RAB3C: variants seen among roughly 807,000 people sequenced by gnomAD.
The protein encoded by RAB3C is ras-related protein Rab-3C.
RAB3C carries 17 observed loss-of-function variants against 26.4 expected under a neutral mutation model. The ratio of observed to expected loss-of-function variants is 0.64; its 90% CI spans 0.44 to 0.97. The LOEUF (loss-of-function observed/expected upper bound fraction) is 0.97, where lower values mean the gene tolerates loss of function less well. RAB3C is among the 50% of genes least tolerant of loss of function. The pLI is 0.00. For missense variants in RAB3C, 242 were observed against 281.9 expected, an observed-to-expected ratio of 0.86 and a Z score of 1.01; for synonymous variants, 91 against 95.9, an observed-to-expected ratio of 0.95 and a Z score of 0.30.
chr5:58,693,330 A>ATATATATG (rs377406953), intron 2 of RAB3C, among the ~76,000 whole-genome samples: 3 of 100,908 alleles, frequency 3.0e-5, no homozygotes, highest in South Asian at 5.6e-4. Flanking sequence ...AATTATATAT[A>ATATATATG]TATGTGTATA....
intron 3 of RAB3C, among the ~76,000 whole-genome samples, chr5:58,770,783 T>A (rs1333823287): frequency 1.3e-5 from 2 of 152,152 alleles, no homozygotes; most frequent in African/African-American, 4.8e-5. Context: ...TAATCTTTTT[T>A]ACTTTACATG....
intron 2 of RAB3C, among the ~76,000 whole-genome samples, chr5:58,717,050 T>C (rs1749186963): frequency 6.6e-6 from 1 of 152,084 alleles, no homozygotes; most frequent in African/African-American, 2.4e-5. Flanking sequence ...GAGGAGGCTA[T>C]GCATGTGTGG....
intron 1 of RAB3C, among the ~76,000 whole-genome samples, chr5:58,588,890 C>T (rs1046141519): frequency 2.0e-5 from 3 of 152,098 alleles, no homozygotes; most frequent in African/African-American, 7.2e-5. Context: ...CCCAAAGACT[C>T]TCTTTTTTTC....
At chr5:58,663,786 G>A (rs1225810809) in intron 2 of RAB3C, among the ~76,000 whole-genome samples, 1 of 152,058 alleles carries the variant, frequency 6.6e-6, no homozygotes, top group Non-Finnish European at 1.5e-5. Flanking sequence ...ACAAAAAACG[G>A]CAAAAAGCTG....
Position 58,686,693 on chromosome 5 carries a change from T to C in RAB3C, c.253-39309T>C, listed in dbSNP as rs7447151. Among the ~76,000 whole-genome samples the C allele has an allele frequency of 1.1e-3, 126 of 114,238 alleles. No individual in the cohort carries two copies. The Middle Eastern group carries it at 0.017, about 15-fold the overall frequency. 74.9% of individuals were successfully genotyped at this position (114,238 alleles called of 152,430 possible). On this transcript the variant is annotated intron_variant, in intron 2 of 4. Transcript: ENST00000282878. ...ACACACACACATACACACACACACA[T>C]ACACACACACACACACACGCATGCA...
At chr5:58,826,310 G>A (rs17358214) in intron 4 of RAB3C, among the ~76,000 whole-genome samples, 9,039 of 152,134 alleles carry the variant, frequency 0.059, 354 homozygotes, top group East Asian at 0.12. Flanking sequence ...CAACTACAAA[G>A]GAGATGAGGC....
intron 2 of RAB3C, among the ~76,000 whole-genome samples, chr5:58,702,450 A>G (rs2111881536): frequency 6.6e-6 from 1 of 152,208 alleles, no homozygotes; most frequent in East Asian, 1.9e-4. Context: ...TCAACACAAA[A>G]CATTACTTTC....
Position 58,659,090 on chromosome 5 carries a change from G to C in RAB3C, c.252+41220G>C, listed in dbSNP as rs184340868. On this transcript the variant is annotated intron_variant, in intron 2 of 4. Transcript: ENST00000282878. ...GGTTTTGAAAATCATGGCTATTTTC[G>C]CAATCTACCATGTTAGGCAAAAAAA... Among the ~76,000 whole-genome samples, 287 of 152,152 alleles carry C rather than the reference G, an allele frequency of 1.9e-3. 2 individuals are homozygous for C. The highest frequency in any genetic ancestry group is 8.5e-4 in the Non-Finnish European group (58 of 67,994).
chr5:58,605,423 C>T (rs1043268603), intron 1 of RAB3C, among the ~76,000 whole-genome samples: 1 of 152,098 alleles, frequency 6.6e-6, no homozygotes, highest in Admixed American at 6.6e-5. Context: ...TCATCACTTC[C>T]ATCTTCACAC....
At chr5:58,663,548 G>A (rs925192604) in intron 2 of RAB3C, among the ~76,000 whole-genome samples, 3 of 150,236 alleles carry the variant, frequency 2.0e-5, no homozygotes, top group African/African-American at 5.0e-5. Flanking sequence ...TGAAATAGAA[G>A]GGAAAGATTT....
chr5:58,647,860 G>A (rs1747559157), intron 2 of RAB3C: 1 of 152,188 alleles, frequency 6.6e-6, no homozygotes, highest in Non-Finnish European at 1.5e-5. Flanking sequence ...CTTTGATAAT[G>A]AGTATGATGT....
chr5:58,647,006 A>G (rs1025268033), intron 2 of RAB3C, among the ~76,000 whole-genome samples: 3 of 152,190 alleles, frequency 2.0e-5, no homozygotes, highest in African/African-American at 4.8e-5. Flanking sequence ...AAGTATCCAG[A>G]TATAGAGGCA....
chr5:58,684,271 A>C (rs1240427333), intron 2 of RAB3C, among the ~76,000 whole-genome samples: 1 of 152,230 alleles, frequency 6.6e-6, no homozygotes, highest in Non-Finnish European at 1.5e-5. Flanking sequence ...ATGCCATTTT[A>C]TACCAGGGAC....
rs374793113 is a variant in RAB3C, at chr5:58,766,342, T to C, written c.371+40222T>C. 2.3e-3 allele frequency among the ~76,000 whole-genome samples: 357 copies of C among 152,170 alleles called. 2 individuals carry two copies. Among genetic ancestry groups the C allele is most frequent in the African/African-American group, 8.3e-3 (343 of 41,512 alleles). ...CATCTTGGCCAAGCTGTTCTTGAACTCCTGACCTCGTGATCCACCCACCTC... is the reference window on the plus strand; with the variant it reads ...CATCTTGGCCAAGCTGTTCTTGAACCCCTGACCTCGTGATCCACCCACCTC... On this transcript the variant is annotated intron_variant, in intron 3 of 4. Coordinates refer to ENST00000282878, the MANE Select transcript of RAB3C (RefSeq NM_138453.4).
intron 4 of RAB3C, 145 bp downstream of exon 4, chr5:58,825,307 G>A: frequency 1.1e-6 from 1 of 876,756 alleles, no homozygotes; most frequent in Non-Finnish European, 1.6e-6. Flanking sequence ...CTCCCTAAGT[G>A]GACAATATAT....
chr5:58,773,442 G>T (rs1742065695), intron 3 of RAB3C, among the ~76,000 whole-genome samples: 3 of 152,128 alleles, frequency 2.0e-5, no homozygotes, highest in Non-Finnish European at 4.4e-5. Context: ...AAATAAGTAA[G>T]AATTCACCAA....
At chr5:58,798,471 A>G (rs938937179) in intron 3 of RAB3C, among the ~76,000 whole-genome samples, 2 of 152,152 alleles carry the variant, frequency 1.3e-5, no homozygotes, top group African/African-American at 2.4e-5. Flanking sequence ...GCATCCCTAA[A>G]CCAAAAATCC....
chr5:58,790,987 T>A (rs570651634), intron 3 of RAB3C, among the ~76,000 whole-genome samples: 2 of 151,948 alleles, frequency 1.3e-5, no homozygotes, highest in African/African-American at 4.8e-5. Flanking sequence ...CTGCTCTGCC[T>A]CAAATTTGGC....
At chr5:58,684,656 T>C (rs1748408858) in intron 2 of RAB3C, among the ~76,000 whole-genome samples, 1 of 152,190 alleles carries the variant, frequency 6.6e-6, no homozygotes. Context: ...GCAGCTCATA[T>C]AGGAGGGGAG....
Sources: allele counts gnomAD v4.1 joint callset (sites outside exome capture counted in the v4.1 genomes callset), GRCh38; gene constraint gnomAD v4.1.1; transcripts MANE v1.5; gene names NCBI Gene and HGNC (gene_info 2026-07-23, HGNC 2026-07-21).